Variants in CCSER1 observed in about 807,000 individuals in gnomAD.
The protein encoded by CCSER1 is coiled-coil serine rich protein 1.
A neutral mutation model predicts 82.0 loss-of-function variants in CCSER1; 41 were observed. The ratio of observed to expected loss-of-function variants is 0.50; its 90% CI spans 0.39 to 0.65. CCSER1 has a LOEUF of 0.65. Ranked by LOEUF, CCSER1 falls within the 30% of genes least tolerant of loss-of-function variation. The pLI is 0.00. For missense variants in CCSER1, 1,119 were observed against 1,064.2 expected, an observed-to-expected ratio of 1.05 and a Z score of -0.72; for synonymous variants, 414 against 383.9, an observed-to-expected ratio of 1.08 and a Z score of -0.92.
chr4:91,352,954 T>C (rs1748574380), intron 10 of CCSER1, among the ~76,000 whole-genome samples: 1 of 151,766 alleles, frequency 6.6e-6, no homozygotes, highest in Non-Finnish European at 1.5e-5. Context: ...TTGAAAAAAA[T>C]AGACAGTGTA....
chr4:91,472,953 T>C (rs1757365929), intron 10 of CCSER1, among the ~76,000 whole-genome samples: 1 of 152,216 alleles, frequency 6.6e-6, no homozygotes, highest in East Asian at 1.9e-4. Flanking sequence ...TACTGATGAA[T>C]GCCTTTCCTG....
chr4:91,213,841 C>T (rs1737028633), intron 10 of CCSER1, among the ~76,000 whole-genome samples: 1 of 152,042 alleles, frequency 6.6e-6, no homozygotes, highest in African/African-American at 2.4e-5. Context: ...ATGTTTTCTC[C>T]ACCCTCTGGA....
intron 6 of CCSER1, among the ~76,000 whole-genome samples, chr4:90,696,259 C>T (rs1286022515): frequency 6.6e-6 from 1 of 152,124 alleles, no homozygotes; most frequent in Non-Finnish European, 1.5e-5. Flanking sequence ...TGATTAGCTC[C>T]TGCCATGCAG....
intron 1 of CCSER1, among the ~76,000 whole-genome samples, chr4:90,255,925 G>A (rs1723202171): frequency 6.6e-6 from 1 of 152,120 alleles, no homozygotes; most frequent in Non-Finnish European, 1.5e-5. Context: ...TGAAGCTCTA[G>A]ATGTTTATGT....
chr4:91,243,354 T>G (rs1225999786), intron 10 of CCSER1, among the ~76,000 whole-genome samples: 1 of 152,198 alleles, frequency 6.6e-6, no homozygotes, highest in East Asian at 1.9e-4. Flanking sequence ...CTGCAATTTC[T>G]AGGCAACTTG....
chr4:91,423,440 A>AG, intron 10 of CCSER1, among the ~76,000 whole-genome samples: 2 of 152,198 alleles, frequency 1.3e-5, no homozygotes, highest in Non-Finnish European at 2.9e-5. Flanking sequence ...AAAAAAAAAA[A>AG]GTAGTTCTGG....
intron 10 of CCSER1, among the ~76,000 whole-genome samples, chr4:91,246,674 TG>T (rs1485265457): frequency 1.3e-5 from 2 of 152,080 alleles, no homozygotes; most frequent in Admixed American, 1.3e-4. Context: ...ATAAAGAAAA[TG>T]TGGTACATAT....
intron 7 of CCSER1, among the ~76,000 whole-genome samples, chr4:90,811,283 T>C (rs1241045698): frequency 2.0e-5 from 3 of 152,174 alleles, no homozygotes. Context: ...GCTGTAGGAA[T>C]GAACAAAGTG....
intron 1 of CCSER1, among the ~76,000 whole-genome samples, chr4:90,158,997 G>A (rs780863325): frequency 2.6e-5 from 4 of 152,046 alleles, no homozygotes; most frequent in Admixed American, 6.6e-5. Context: ...GTAGACCGGC[G>A]CTGTTCCTAT....
intron 8 of CCSER1, among the ~76,000 whole-genome samples, chr4:90,905,897 G>T (rs759422590): frequency 6.6e-6 from 1 of 151,986 alleles, no homozygotes; most frequent in African/African-American, 2.4e-5. Flanking sequence ...ATATAAATAT[G>T]CAAAATAATA....
chr4:91,197,249 C>G (rs1455021743), intron 10 of CCSER1, among the ~76,000 whole-genome samples: 1 of 152,198 alleles, frequency 6.6e-6, no homozygotes, highest in Non-Finnish European at 1.5e-5. Context: ...TGCTTTCTCC[C>G]CATATAAGGC....
At chr4:91,016,835 G>T (rs555674055) in intron 9 of CCSER1, among the ~76,000 whole-genome samples, 2 of 152,202 alleles carry the variant, frequency 1.3e-5, no homozygotes, top group South Asian at 4.1e-4. Context: ...GTAGCTCTTT[G>T]ATTTTCTTTA....
At chr4:90,264,999 C>T (rs1414086216) in intron 1 of CCSER1, among the ~76,000 whole-genome samples, 1 of 151,970 alleles carries the variant, frequency 6.6e-6, no homozygotes, top group Admixed American at 6.6e-5. Flanking sequence ...CTTCTGTCTT[C>T]ATAAACTATG....
intron 6 of CCSER1, among the ~76,000 whole-genome samples, chr4:90,702,099 T>A (rs1478687045): frequency 6.6e-6 from 1 of 152,206 alleles, no homozygotes; most frequent in Admixed American, 6.5e-5. Context: ...AGTATGATAT[T>A]GGCTGTGGGT....
intron 10 of CCSER1, among the ~76,000 whole-genome samples, chr4:91,485,390 CCTTT>C (rs1758161848): frequency 6.6e-6 from 1 of 152,092 alleles, no homozygotes; most frequent in South Asian, 2.1e-4. Context: ...ATATATGTCA[CCTTT>C]CTTTTGTGGC....
intron 1 of CCSER1, among the ~76,000 whole-genome samples, chr4:90,289,988 C>A (rs1257109585): frequency 4.6e-5 from 7 of 151,500 alleles, no homozygotes; most frequent in African/African-American, 1.7e-4. Context: ...TAATATGTCT[C>A]CAGAATTTTT....
At chr4:90,473,513 A>G (rs971455402) in intron 5 of CCSER1, among the ~76,000 whole-genome samples, 1 of 152,194 alleles carries the variant, frequency 6.6e-6, no homozygotes, top group Admixed American at 6.5e-5. Flanking sequence ...TCTTGTCATG[A>G]AGTAGGTTCT....
intron 10 of CCSER1, among the ~76,000 whole-genome samples, chr4:91,413,553 C>T (rs911593227): frequency 6.6e-6 from 1 of 151,448 alleles, no homozygotes; most frequent in Non-Finnish European, 1.5e-5. Context: ...CATAAGGGAC[C>T]TATGGGACAC....
chr4:90,529,973 G>A (rs1018327793), intron 5 of CCSER1, among the ~76,000 whole-genome samples: 5 of 150,210 alleles, frequency 3.3e-5, no homozygotes, highest in African/African-American at 1.2e-4. Flanking sequence ...TCTAATGGTA[G>A]AGAATATCTG....
Sources: allele counts gnomAD v4.1 joint callset (sites outside exome capture counted in the v4.1 genomes callset), GRCh38; gene constraint gnomAD v4.1.1; transcripts MANE v1.5; gene names NCBI Gene and HGNC (gene_info 2026-07-23, HGNC 2026-07-21).